FZR1: variants seen among roughly 807,000 people sequenced by gnomAD.
FZR1 encodes the protein fizzy and cell division cycle 20 related 1.
A neutral mutation model predicts 63.6 loss-of-function variants in FZR1; 11 were observed. The observed-to-expected ratio is 0.17, with a 90% CI of 0.11 to 0.29. FZR1 has a LOEUF of 0.29. Ranked by LOEUF, FZR1 falls within the 10% of genes least tolerant of loss-of-function variation. The pLI, the probability that FZR1 is intolerant of heterozygous loss-of-function variation, is 1.00. For missense variants in FZR1, 440 were observed against 687.5 expected (o/e 0.64, Z 4.03); for synonymous variants, 328 against 297.9 (o/e 1.10, Z -1.04).
chr19:3,509,032 A>T (rs1226621653), intron 1 of FZR1, among the ~76,000 whole-genome samples: 2 of 151,876 alleles, frequency 1.3e-5, no homozygotes, highest in African/African-American at 4.8e-5. Context: ...GGAGTGTTTG[A>T]CCTCATCTCT....
intron 1 of FZR1, among the ~76,000 whole-genome samples, chr19:3,512,273 C>T (rs967992043): frequency 2.0e-5 from 3 of 152,334 alleles, no homozygotes; most frequent in South Asian, 2.1e-4. Context: ...GCCGTGTGTG[C>T]ACCTGTCATG....
chr19:3,509,233 T>A (rs146880784), intron 1 of FZR1, among the ~76,000 whole-genome samples: 145 of 152,320 alleles, frequency 9.5e-4, no homozygotes, highest in Non-Finnish European at 1.7e-3. Flanking sequence ...CCTGTGTGCG[T>A]TGGCAGGTGA....
intron 1 of FZR1, among the ~76,000 whole-genome samples, chr19:3,509,438 C>T (rs745432676): frequency 3.3e-5 from 5 of 152,224 alleles, no homozygotes; most frequent in Non-Finnish European, 5.9e-5. Flanking sequence ...TCTTCACTGG[C>T]CCTTCTTTCT....
At chr19:3,522,323 A>G (rs2121941475) in intron 1 of FZR1, among the ~76,000 whole-genome samples, 1 of 152,150 alleles carries the variant, frequency 6.6e-6, no homozygotes, top group Non-Finnish European at 1.5e-5. Flanking sequence ...TCACACCTCA[A>G]CATAAATGCC....
chr19:3,527,779 A>G lies in FZR1; in HGVS notation c.619A>G (p.Thr207Ala). The change falls in exon 7 of 14, where the codon ACC becomes GCC. Residue 207 changes from threonine to alanine, a missense_variant. This residue lies in a region of FZR1 where 208 missense variants were observed against 363.6 expected (regional missense o/e 0.57). Transcript: ENST00000441788. The stretch of plus-strand genomic sequence containing the variant: ...CAATGTGCTCAGCGTGGGGCTAGGC[A>G]CCTGCGTGTACCTGTGGAGTGCCTG... ...SLNVLSVGLG[T>A]CVYLWSACTS... 6.2e-7 allele frequency: 1 copy of G among 1,612,536 alleles called. No individual in the cohort carries two copies. The highest frequency in any genetic ancestry group is 8.5e-7 in the Non-Finnish European group (1 of 1,179,632).
At chr19:3,506,866 C>G (rs1370503243) in intron 1 of FZR1, among the ~76,000 whole-genome samples, 1 of 152,172 alleles carries the variant, frequency 6.6e-6, no homozygotes, top group Non-Finnish European at 1.5e-5. Context: ...CCTCCTAACC[C>G]GGGTGATTTC....
In FZR1 at chr19:3,522,962, C is replaced by T. The variant is rs1285420356; in HGVS notation, c.-28C>T. On this transcript the variant is annotated 5_prime_UTR_variant, in exon 2 of 14. Coordinates refer to ENST00000441788, the MANE Select transcript of FZR1 (RefSeq NM_016263.4). ...CCTGCCCTTCCCGCTGCAGGCTAAC[C>T]TTGCCGCGGGCCGAGCCCTGCCTCG... 3 of 1,577,894 alleles carry T rather than the reference C, an allele frequency of 1.9e-6. No homozygotes were observed. The highest frequency in any genetic ancestry group is 1.3e-5 in the African/African-American group (1 of 74,324).
intron 2 of FZR1, among the ~76,000 whole-genome samples, chr19:3,524,066 G>A (rs1369323259): frequency 1.3e-5 from 2 of 152,222 alleles, no homozygotes; most frequent in Non-Finnish European, 2.9e-5. Context: ...AGAATTAGAG[G>A]TGTCTTTGCA....
intron 7 of FZR1, among the ~76,000 whole-genome samples, chr19:3,529,105 G>T (rs1382359371): frequency 2.2e-5 from 2 of 92,832 alleles, no homozygotes; most frequent in African/African-American, 7.7e-5. Flanking sequence ...CGGTTGAGCG[G>T]ATGGGAGAGC....
At chr19:3,519,959 C>T (rs1194849171) in intron 1 of FZR1, among the ~76,000 whole-genome samples, 3 of 151,998 alleles carry the variant, frequency 2.0e-5, no homozygotes, top group South Asian at 2.1e-4. Context: ...GGGGGCCCCA[C>T]ACCCACAGCT....
chr19:3,522,868 C>G (rs2083115682), intron 1 of FZR1, 88 bp from the exon 2 acceptor site: 8 of 745,332 alleles, frequency 1.1e-5, no homozygotes, highest in South Asian at 7.4e-5. Flanking sequence ...GTCACTCTAG[C>G]TCCCAGGGCC....
rs574409641 is a variant in FZR1 at position 3,527,871 on chromosome 19, C to T, written c.654+57C>T. On this transcript the variant is annotated intron_variant, in intron 7 of 13. Coordinates refer to ENST00000441788, the MANE Select transcript of FZR1 (RefSeq NM_016263.4). ...GGGGCCTCCCCAGCTCCCAGCAGAC[C>T]TCAATGTACCCACCGGGATCCAGGG... 3.3e-4 allele frequency: 445 copies of T among 1,359,600 alleles called. 2 individuals carry two copies. The East Asian group carries it at 0.01, about 32-fold the overall frequency. 84.2% of individuals were successfully genotyped at this position (1,359,600 alleles called of 1,614,324 possible).
intron 1 of FZR1, among the ~76,000 whole-genome samples, chr19:3,517,142 C>T (rs1401582761): frequency 6.6e-6 from 1 of 152,198 alleles, no homozygotes; most frequent in African/African-American, 2.4e-5. Context: ...GTAACCCCAG[C>T]ACTCTGGGAG....
chr19:3,522,177 C>T (rs1416071074), intron 1 of FZR1, among the ~76,000 whole-genome samples: 3 of 152,200 alleles, frequency 2.0e-5, no homozygotes, highest in African/African-American at 4.8e-5. Context: ...GTGGGAAGAG[C>T]GTTTTTCCTA....
At chr19:3,532,148 C>T (rs1568240242) in intron 10 of FZR1, 53 bp downstream of exon 10, 5 of 1,433,142 alleles carry the variant, frequency 3.5e-6, no homozygotes, top group Non-Finnish European at 4.6e-6. Context: ...GCACCCCTCA[C>T]ACTGGCAGGA....
rs200361293 is a variant in FZR1 at position 3,534,486 on chromosome 19, C to T, written c.1413C>T (p.Asn471=). The T allele has an allele frequency of 5.1e-5, 82 of 1,609,778 alleles. No homozygotes were observed. In the East Asian group the frequency reaches 1.3e-3, roughly 25 times the overall value. ...GAGDETLRFW[N]VFSKTRSTKE... Reference sequence around the variant, plus strand: ...GAGACGAGACCCTGAGGTTCTGGAACGTCTTTAGCAAAACCCGTTCGACAA... The same window carrying T: ...GAGACGAGACCCTGAGGTTCTGGAATGTCTTTAGCAAAACCCGTTCGACAA... Residue 471 remains asparagine (N), a synonymous_variant, in exon 13 of 14, where the codon AAC becomes AAT. Transcript: ENST00000441788.
chr19:3,511,451 G>A (rs987414978), intron 1 of FZR1, among the ~76,000 whole-genome samples: 8 of 152,178 alleles, frequency 5.3e-5, no homozygotes, highest in Non-Finnish European at 1.0e-4. Flanking sequence ...GCCTGGAATC[G>A]CAGCACTTTG....
At position 3,533,529 on chromosome 19, in the gene FZR1, C is replaced by G; in HGVS notation, c.1347+131C>G. 1.6e-6 allele frequency: 1 copy of G among 622,962 alleles called. No homozygotes were observed. Among genetic ancestry groups the G allele is most frequent in the Non-Finnish European group, 2.9e-6 (1 of 344,056 alleles). 38.6% of individuals were successfully genotyped at this position (622,962 alleles called of 1,614,324 possible). On this transcript the variant is annotated intron_variant, in intron 12 of 13. Coordinates refer to ENST00000441788, the MANE Select transcript of FZR1 (RefSeq NM_016263.4). The surrounding 1 kb of genome is among the most constrained non-coding windows in gnomAD (Gnocchi z 4.9). Reference sequence around the variant, plus strand: ...TCTAAAACCCCGTGGGACCCAGCAGCAGGGGCCGGCAGGGCATCTGGTGCT... The same window carrying G: ...TCTAAAACCCCGTGGGACCCAGCAGGAGGGGCCGGCAGGGCATCTGGTGCT...
rs1028183530 is a variant in FZR1 at position 3,515,535 on chromosome 19, G to A, written c.-34-7421G>A. Among the ~76,000 whole-genome samples, 2 of 152,106 alleles carry A rather than the reference G, an allele frequency of 1.3e-5. No individual in the cohort carries two copies. Among genetic ancestry groups the A allele is most frequent in the African/African-American group, 2.4e-5 (1 of 41,414 alleles). On this transcript the variant is annotated intron_variant, in intron 1 of 13. Coordinates refer to ENST00000441788, the MANE Select transcript of FZR1 (RefSeq NM_016263.4). This position sits in a 1 kb window ranked among gnomAD's most constrained non-coding sequence, Gnocchi z 4.6. The stretch of plus-strand genomic sequence containing the variant: ...TGTAATCCCAGCACTTTGGGAGGCC[G>A]AGGCGGGCGGATCACAAGGTCAGGA...
Sources: gnomAD v4.1 joint callset for allele counts (sites outside exome capture counted in the v4.1 genomes callset) on GRCh38, gnomAD v4.1.1 for gene constraint, gnomAD v4.1.1 regional missense constraint, Gnocchi (gnomAD v3.1) non-coding constraint, MANE v1.5 for transcripts, NCBI Gene and HGNC (gene_info 2026-07-23, HGNC 2026-07-21) for gene names.